The following ABCA12 variants were observed in gnomAD, a reference collection of about 807,000 sequenced individuals.
The protein encoded by ABCA12 is glucosylceramide transporter ABCA12.
In ABCA12, 156 loss-of-function variants were observed where a neutral mutation model predicts 293.5. The ratio of observed to expected loss-of-function variants is 0.53; its 90% CI spans 0.47 to 0.61. The LOEUF (loss-of-function observed/expected upper bound fraction) is 0.61, where lower values mean the gene tolerates loss of function less well. Among genes scored for constraint, ABCA12 ranks in the 20% least tolerant of loss-of-function variants. The pLI is 0.00. For synonymous variants in ABCA12, 1,063 were observed against 1,108.0 expected (o/e 0.96, Z 0.81); for missense variants, 2,797 against 3,090.2 (o/e 0.91, Z 2.25).
intron 39 of ABCA12, among the ~76,000 whole-genome samples, chr2:214,964,544 A>G (rs887272799): frequency 6.6e-6 from 1 of 152,190 alleles, no homozygotes; most frequent in Non-Finnish European, 1.5e-5. Context: ...AGGAGACAAA[A>G]TCATTGTGCA....
chr2:215,112,150 T>G (rs1702584570), intron 1 of ABCA12, among the ~76,000 whole-genome samples: 1 of 152,142 alleles, frequency 6.6e-6, no homozygotes, highest in Admixed American at 6.5e-5. Flanking sequence ...GACTGGTGTG[T>G]GAAGTGGGTC....
chr2:215,015,646 G>C lies in ABCA12; in HGVS notation c.1800C>G (p.Phe600Leu). ...TATTAGTATCACAGGAATGCAGCCA[G>C]AACACCTGAGAAATAATCTGCAAAT... Reference protein sequence around the residue: ...DNRAEIISQVFWLHSCDTNIT... With the variant: ...DNRAEIISQVLWLHSCDTNIT... Residue 600 changes from phenylalanine to leucine, a missense_variant, in exon 15 of 53, where the codon TTC becomes TTG. Around this residue, in one of 3 missense-constraint regions of ABCA12, gnomAD observed 2,130 missense variants for 2,427.0 expected, o/e 0.88. Transcript: ENST00000272895. 6.2e-7 allele frequency: 1 copy of C among 1,613,952 alleles called. No homozygotes were observed. The highest frequency in any genetic ancestry group is 1.1e-5 in the South Asian group (1 of 91,060).
intron 7 of ABCA12, among the ~76,000 whole-genome samples, chr2:215,040,157 A>C (rs1377533666): frequency 6.6e-6 from 1 of 152,192 alleles, no homozygotes; most frequent in Non-Finnish European, 1.5e-5. Flanking sequence ...TCAAGTGCTC[A>C]AAAACCACAT....
intron 2 of ABCA12, among the ~76,000 whole-genome samples, chr2:215,108,337 G>C (rs1559198686): frequency 6.6e-6 from 1 of 152,036 alleles, no homozygotes; most frequent in Non-Finnish European, 1.5e-5. Flanking sequence ...GCAAAGCAGG[G>C]GTGCTTCCAA....
At chr2:214,976,395 A>G (rs1330850681) in intron 33 of ABCA12, among the ~76,000 whole-genome samples, 3 of 152,262 alleles carry the variant, frequency 2.0e-5, no homozygotes, top group African/African-American at 7.2e-5. Flanking sequence ...ATGCAGACCC[A>G]GTATATATTA....
chr2:215,038,004 A>G (rs1291263403), intron 7 of ABCA12, among the ~76,000 whole-genome samples: 1 of 152,088 alleles, frequency 6.6e-6, no homozygotes, highest in African/African-American at 2.4e-5. Context: ...CCAGCAATAG[A>G]TAGTATTTGT....
rs1303009214 is a variant in ABCA12 at position 215,091,866 on chromosome 2, A to C, written c.163+19731T>G. Among the ~76,000 whole-genome samples the C allele has an allele frequency of 3.9e-5, 6 of 152,334 alleles. No individual in the cohort carries two copies. The East Asian group carries it at 1.2e-3, about 29-fold the overall frequency. ...CGTCCTCCCCCAGGATCTTGCTTCA[A>C]GTGCCGGAAATCTGGCCACTGGGCC... On this transcript the variant is annotated intron_variant, in intron 2 of 52. Transcript: ENST00000272895.
chr2:214,960,511 T>G (rs1011882243), intron 39 of ABCA12: 1 of 152,150 alleles, frequency 6.6e-6, no homozygotes, highest in African/African-American at 2.4e-5. Context: ...CAAGGAAATG[T>G]GTCACAGTTG....
chr2:215,031,014 A>C (rs1700865914), intron 9 of ABCA12, among the ~76,000 whole-genome samples: 1 of 152,170 alleles, frequency 6.6e-6, no homozygotes, highest in Non-Finnish European at 1.5e-5. Context: ...TCTCGTCTCT[A>C]AATTTGCCTT....
Position 214,974,764 on chromosome 2 carries a change from C to T in ABCA12, c.5468+14G>A, listed in dbSNP as rs1179960662. 5 of 1,613,408 alleles carry T rather than the reference C, an allele frequency of 3.1e-6. No individual in the cohort carries two copies. In the Admixed American group the frequency reaches 8.3e-5, roughly 27 times the overall value. On this transcript the variant is annotated intron_variant, in intron 35 of 52. Coordinates refer to ENST00000272895, the MANE Select transcript of ABCA12 (RefSeq NM_173076.3). ...ATGCTGAAAACAAAAAATAGAAGAG[C>T]AAGAACCACTTACAGATCACTGGTG...
chr2:214,948,348 A>C (rs1289292803), intron 47 of ABCA12, among the ~76,000 whole-genome samples: 1 of 152,182 alleles, frequency 6.6e-6, no homozygotes, highest in Non-Finnish European at 1.5e-5. Context: ...AGTTCTTAAA[A>C]GGGTAACTGA....
At chr2:215,117,086 A>G (rs965619233) in intron 1 of ABCA12, among the ~76,000 whole-genome samples, 4 of 152,228 alleles carry the variant, frequency 2.6e-5, no homozygotes, top group Non-Finnish European at 5.9e-5. Context: ...GGGGTAATGG[A>G]GCACCAATTT....
chr2:215,078,195 C>A (rs903900088), intron 2 of ABCA12, among the ~76,000 whole-genome samples: 6 of 152,102 alleles, frequency 3.9e-5, no homozygotes, highest in African/African-American at 1.2e-4. Flanking sequence ...TAAATGATAC[C>A]GCTTTATTAG....
intron 2 of ABCA12, among the ~76,000 whole-genome samples, chr2:215,070,487 G>A (rs1040198975): frequency 3.3e-5 from 5 of 150,424 alleles, no homozygotes; most frequent in South Asian, 2.1e-4. Context: ...CCATTAACTC[G>A]TCAGTCATTT....
At chr2:215,124,332 T>A (rs914156417) in intron 1 of ABCA12, among the ~76,000 whole-genome samples, 2 of 152,216 alleles carry the variant, frequency 1.3e-5, no homozygotes, top group East Asian at 3.8e-4. Context: ...TATCCAGTAG[T>A]GGGATTGCTG....
At chr2:215,110,372 G>A (rs549219383) in intron 2 of ABCA12, among the ~76,000 whole-genome samples, 12 of 152,214 alleles carry the variant, frequency 7.9e-5, no homozygotes, top group African/African-American at 2.2e-4. Flanking sequence ...TTAGCCAGGC[G>A]TGGTGATGGG....
chr2:215,121,602 G>A lies in ABCA12; in HGVS notation c.70-9912C>T, dbSNP rs371588149. Among the ~76,000 whole-genome samples, 42 of 152,102 alleles carry A rather than the reference G, an allele frequency of 2.8e-4. No individual in the cohort carries two copies. In the East Asian group the frequency reaches 4.5e-3, roughly 16 times the overall value. On this transcript the variant is annotated intron_variant, in intron 1 of 52. Transcript: ENST00000272895. ...CCCAGTGAGGAAATAAAAATGGCTC[G>A]GAGTTCTCAATTAGTCTTTCTGGTT...
intron 11 of ABCA12, 114 bp downstream of exon 11, chr2:215,025,559 C>T (rs1033225761): frequency 2.2e-5 from 16 of 716,558 alleles, no homozygotes; most frequent in Non-Finnish European, 3.4e-5. Flanking sequence ...AGATTTAAAA[C>T]TTAAAAGTGT....
chr2:215,011,344 T>G, intron 17 of ABCA12, 95 bp downstream of exon 17: 1 of 938,584 alleles, frequency 1.1e-6, no homozygotes, highest in Non-Finnish European at 1.7e-6. Flanking sequence ...TGGGGAAAAT[T>G]AATACTTCAT....
Sources: gnomAD v4.1 joint callset for allele counts (sites outside exome capture counted in the v4.1 genomes callset) on GRCh38, gnomAD v4.1.1 for gene constraint, gnomAD v4.1.1 regional missense constraint, MANE v1.5 for transcripts, NCBI Gene and HGNC (gene_info 2026-07-23, HGNC 2026-07-21) for gene names.